Variants in GUK1 observed in about 807,000 individuals in gnomAD.
GUK1 encodes the protein guanylate kinase.
Under a neutral mutation model 25.2 loss-of-function variants are expected in GUK1, and 18 were observed. The observed-to-expected ratio is 0.71, with a 90% confidence interval of 0.49 to 1.06. GUK1 has a LOEUF of 1.06. Among genes scored for constraint, GUK1 ranks in the 50% least tolerant of loss-of-function variants. The probability of loss-of-function intolerance (pLI) is 0.00; values close to 1 mark genes in which losing one functional copy is unlikely to be tolerated. For synonymous variants in GUK1, 105 were observed against 117.6 expected (o/e 0.89, Z 0.69); for missense variants, 261 against 276.7 (o/e 0.94, Z 0.40).
chr1:228,147,058 G>A, intron 5 of GUK1, 120 bp downstream of exon 4: 1 of 761,384 alleles, frequency 1.3e-6, no homozygotes, highest in Non-Finnish European at 2.3e-6. Flanking sequence ...AATGTGGCCA[G>A]GTTGTGGCCC....
rs780639149 is a variant in GUK1, at chr1:228,148,733, C to T, written c.*36C>T. On this transcript the variant is annotated 3_prime_UTR_variant, in exon 9 of 9. Transcript: ENST00000312726. ...CTGTTCTCGGCACCCCGGGCCCATA[C>T]AGGACCAGGGCAGCAGCATTGAGCC... is the stretch of plus-strand genomic sequence containing the variant. The T allele has an allele frequency of 4.3e-6, 7 of 1,610,464 alleles. No individual in the cohort carries two copies. Among genetic ancestry groups the T allele is most frequent in the Non-Finnish European group, 5.1e-6 (6 of 1,179,556 alleles).
intron 4 of GUK1, chr1:228,146,368 C>A (rs1490902533): frequency 3.9e-6 from 2 of 511,728 alleles, no homozygotes; most frequent in African/African-American, 1.9e-5. Flanking sequence ...CTTATCAGCA[C>A]TTTTGAGCTG....
At chr1:228,140,172 C>G, upstream of GUK1, 1 of 783,080 alleles carries the variant, frequency 1.3e-6, no homozygotes, top group Admixed American at 2.6e-5. Context: ...AAGTACTTCC[C>G]TAAGGGGCGG....
chr1:228,147,581 G>A, intron 6 of GUK1, 34 bp from the exon 6 acceptor site: 1 of 1,612,976 alleles, frequency 6.2e-7, no homozygotes. Context: ...GGGGGCCAGG[G>A]CATGCCAGGC....
At chr1:228,147,326 G>T (rs1358326477) in intron 5 of GUK1, 80 bp from the exon 5 acceptor site, 1 of 1,384,156 alleles carries the variant, frequency 7.2e-7, no homozygotes, top group South Asian at 1.3e-5. Flanking sequence ...CGCTGGGCCC[G>T]GGAGGGCCTG....
chr1:228,148,282 C>G, intron 7 of GUK1, 89 bp from the exon 7 acceptor site: 1 of 939,586 alleles, frequency 1.1e-6, no homozygotes, highest in South Asian at 1.3e-5. Flanking sequence ...AGGACAGCCG[C>G]AGGCCAGTGG....
chr1:228,143,308 G>A (rs929059108), intron 2 of GUK1, among the ~76,000 whole-genome samples: 1 of 152,210 alleles, frequency 6.6e-6, no homozygotes, highest in Admixed American at 6.5e-5. Flanking sequence ...GCTCAGTGGA[G>A]CAACAGGACA....
chr1:228,143,144 T>G (rs2034154348), intron 2 of GUK1, among the ~76,000 whole-genome samples: 1 of 152,046 alleles, frequency 6.6e-6, no homozygotes, highest in Non-Finnish European at 1.5e-5. Flanking sequence ...CTGTGTGGGT[T>G]TATAGTCACG....
At chr1:228,147,135 C>T (rs1479305596) in intron 5 of GUK1, among the ~76,000 whole-genome samples, 197 bp downstream of exon 4, 2 of 152,224 alleles carry the variant, frequency 1.3e-5, no homozygotes, top group Non-Finnish European at 2.9e-5. Flanking sequence ...CCCGGTCCTG[C>T]CACCGTGCAT....
rs1041376555 is a variant in GUK1, at chr1:228,147,510, A to G, written c.356A>G (p.Tyr119Cys). ...AAGGCCACCGATCTGCGGCCCATCT[A>G]CATCTCTGTGCAGCCGCCTTCACTG... Residue 119 changes from tyrosine to cysteine, a missense_variant, in exon 6 of 9, where the codon TAC becomes TGC. Physicochemically the swap from Tyr to Cys is radical, Grantham distance 194. Transcript: ENST00000312726. 6.2e-7 allele frequency: 1 copy of G among 1,613,250 alleles called. No homozygotes were observed. Among genetic ancestry groups the G allele is most frequent in the Non-Finnish European group, 8.5e-7 (1 of 1,179,954 alleles).
Position 228,146,073 on chromosome 1 carries a change from TG to T in GUK1, c.154+10del. On this transcript the variant is annotated splice_region_variant and intron_variant, in intron 4 of 8. Coordinates refer to ENST00000312726, the MANE Select transcript of GUK1 (RefSeq NM_000858.7). ...CGGCGAGGAGAACGGCAAAGGTGAG[TG>T]GGGTGGGGCCCTATGGCTGGAGCAC... The T allele has an allele frequency of 6.2e-7, 1 of 1,603,358 alleles. No individual in the cohort carries two copies. Among genetic ancestry groups the T allele is most frequent in the Non-Finnish European group, 8.5e-7 (1 of 1,170,602 alleles).
chr1:228,145,824 G>C, intron 3 of GUK1, 200 bp downstream of exon 2: 1 of 715,082 alleles, frequency 1.4e-6, no homozygotes, highest in Non-Finnish European at 2.4e-6. Flanking sequence ...CCCTTCCCTG[G>C]GTCTGTTGAG....
At chr1:228,144,815 C>A in intron 2 of GUK1, 1 of 669,482 alleles carries the variant, frequency 1.5e-6, no homozygotes, top group Non-Finnish European at 1.8e-6. Context: ...CCCTCACCTG[C>A]CACGTGTCCA....
At chr1:228,145,082 T>C (rs2034291134) in intron 2 of GUK1, 1 of 159,114 alleles carries the variant, frequency 6.3e-6, no homozygotes, top group Non-Finnish European at 1.4e-5. Context: ...GCTGGACTCC[T>C]GGGTGGGGTG....
intron 2 of GUK1, chr1:228,141,307 C>T (rs926091060): frequency 1.8e-5 from 17 of 950,042 alleles, no homozygotes; most frequent in Non-Finnish European, 1.9e-5. Flanking sequence ...ATGTTCCTGT[C>T]CCCCCCGGGG....
intron 2 of GUK1, chr1:228,145,289 G>A (rs1051319665): frequency 1.7e-5 from 7 of 400,778 alleles, no homozygotes; most frequent in South Asian, 4.8e-5. Flanking sequence ...TTCGTCTCCC[G>A]TGTGCCCAGA....
intron 1 of GUK1, chr1:228,141,061 C>A: frequency 1.2e-6 from 1 of 800,436 alleles, no homozygotes; most frequent in Non-Finnish European, 1.5e-6. Flanking sequence ...AGAGGTCGGT[C>A]CTGAGGCCCC....
At chr1:228,141,912 A>G (rs1278056994) in intron 2 of GUK1, 2 of 508,636 alleles carry the variant, frequency 3.9e-6, no homozygotes, top group Admixed American at 1.2e-4. Context: ...AGTGGAGAGC[A>G]CAGAATGTTT....
chr1:228,141,550 G>A, intron 2 of GUK1: 5 of 785,106 alleles, frequency 6.4e-6, no homozygotes, highest in Non-Finnish European at 8.1e-6. Context: ...GAATTCTCTC[G>A]GTTCTCAGAA....
Sources: gnomAD v4.1 joint callset for allele counts (sites outside exome capture counted in the v4.1 genomes callset) on GRCh38, gnomAD v4.1.1 for gene constraint, MANE v1.5 for transcripts, NCBI Gene and HGNC (gene_info 2026-07-23, HGNC 2026-07-21) for gene names.